Variants in THOC5 observed in about 807,000 individuals in gnomAD.
THOC5 encodes THO complex subunit 5.
In THOC5, 43 loss-of-function variants were observed where a neutral mutation model predicts 92.9. The ratio of observed to expected loss-of-function variants is 0.46; its 90% CI spans 0.36 to 0.60. The LOEUF is 0.60. Ranked by LOEUF, THOC5 falls within the 20% of genes least tolerant of loss-of-function variation. The pLI is 0.00. For synonymous variants in THOC5, 296 were observed against 320.1 expected (o/e 0.92, Z 0.80); for missense variants, 659 against 849.4 (o/e 0.78, Z 2.79).
At chr22:29,528,547 G>A in intron 9 of THOC5, 81 bp from the exon 10 acceptor site, 2 of 1,434,162 alleles carry the variant, frequency 1.4e-6, no homozygotes, top group Non-Finnish European at 2.0e-6. Flanking sequence ...ATGGCATAAA[G>A]GGGCCCTGAC....
chr22:29,529,784 C>T (rs1287346099), intron 8 of THOC5, among the ~76,000 whole-genome samples: 1 of 152,228 alleles, frequency 6.6e-6, no homozygotes, highest in Non-Finnish European at 1.5e-5. Context: ...TTCTCAAACA[C>T]ATGACCTGGA....
intron 19 of THOC5, among the ~76,000 whole-genome samples, chr22:29,510,183 G>C (rs982819184): frequency 6.6e-6 from 1 of 152,034 alleles, no homozygotes; most frequent in African/African-American, 2.4e-5. Flanking sequence ...AGACACTCTT[G>C]AGTACCAAGC....
chr22:29,505,961 G>A lies in THOC5; in HGVS notation c.*2496C>T, dbSNP rs1384816339. Reference sequence around the variant, plus strand: ...TGCAACCTCCGCCTCGGGGATTCAAGCAATTCTCCTGCCTCAGCCTCCCGA... The same window carrying A: ...TGCAACCTCCGCCTCGGGGATTCAAACAATTCTCCTGCCTCAGCCTCCCGA... On this transcript the variant is annotated 3_prime_UTR_variant, in exon 20 of 20. Transcript: ENST00000490103. The A allele has an allele frequency of 1.3e-5, 2 of 151,844 alleles. No homozygotes were observed. The highest frequency in any genetic ancestry group is 2.9e-5 in the Non-Finnish European group (2 of 68,000). The allele number at this position is 151,844 out of a possible 1,614,324, so 9.4% of individuals were successfully genotyped here. A position where few individuals can be genotyped will look rare whatever the true frequency, so the allele number is the denominator to read the frequency against.
intron 2 of THOC5, among the ~76,000 whole-genome samples, chr22:29,546,031 T>C (rs1349754399): frequency 6.6e-6 from 1 of 152,172 alleles, no homozygotes; most frequent in East Asian, 1.9e-4. Context: ...CAGGCGGAGG[T>C]TCCCAAACCT....
At chr22:29,531,602 C>T (rs916725071) in intron 8 of THOC5, 64 of 1,266,774 alleles carry the variant, frequency 5.1e-5, no homozygotes, top group Non-Finnish European at 5.9e-5. Flanking sequence ...GCCAGGCTCA[C>T]GAATGACTCA....
intron 17 of THOC5, 143 bp downstream of exon 17, chr22:29,516,886 T>C: frequency 1.4e-6 from 1 of 729,336 alleles, no homozygotes; most frequent in Non-Finnish European, 2.4e-6. Context: ...GAATGAGTCC[T>C]TGCTGAACAG....
At chr22:29,528,001 C>G (rs1025859985) in intron 11 of THOC5, 77 bp downstream of exon 11, 2 of 1,426,064 alleles carry the variant, frequency 1.4e-6, no homozygotes, top group Non-Finnish European at 2.0e-6. Context: ...GTGTTTGGCT[C>G]CCGGACCCTC....
chr22:29,528,606 G>T, intron 9 of THOC5, 140 bp from the exon 10 acceptor site: 1 of 807,402 alleles, frequency 1.2e-6, no homozygotes, highest in Non-Finnish European at 2.0e-6. Context: ...AAATTAACTT[G>T]CTGCTTCTTA....
chr22:29,511,435 A>G, intron 18 of THOC5, 139 bp from the exon 19 acceptor site: 1 of 859,076 alleles, frequency 1.2e-6, no homozygotes, highest in Non-Finnish European at 1.8e-6. Flanking sequence ...CATCAGATCA[A>G]GCTAGACTGG....
intron 11 of THOC5, among the ~76,000 whole-genome samples, chr22:29,527,300 C>G (rs2063563071): frequency 6.6e-6 from 1 of 152,048 alleles, no homozygotes; most frequent in Admixed American, 6.6e-5. Context: ...ATGCCTGTAG[C>G]CCCCGCTACT....
At chr22:29,537,859 C>A (rs910043665) in intron 6 of THOC5, among the ~76,000 whole-genome samples, 4 of 152,054 alleles carry the variant, frequency 2.6e-5, no homozygotes, top group African/African-American at 4.8e-5. Flanking sequence ...CCATTGCATT[C>A]CAGCCTGGGC....
intron 7 of THOC5, chr22:29,536,349 G>A (rs1601434880): frequency 8.7e-6 from 3 of 343,148 alleles, no homozygotes; most frequent in East Asian, 5.0e-5. Context: ...CATGCAGGGG[G>A]TAAACTAAAT....
At chr22:29,535,518 T>C (rs543275429) in intron 7 of THOC5, 1 of 152,284 alleles carries the variant, frequency 6.6e-6, no homozygotes, top group South Asian at 2.1e-4. Flanking sequence ...CCATACTATA[T>C]GTTCTACAAC....
chr22:29,522,451 C>T (rs2063463048), intron 12 of THOC5, among the ~76,000 whole-genome samples: 1 of 151,964 alleles, frequency 6.6e-6, no homozygotes, highest in Admixed American at 6.6e-5. Context: ...TAGATTGATT[C>T]AATCTATTAG....
chr22:29,526,188 AG>A (rs2063540324), intron 11 of THOC5, among the ~76,000 whole-genome samples: 1 of 152,218 alleles, frequency 6.6e-6, no homozygotes, highest in Admixed American at 6.5e-5. Flanking sequence ...TAACAAAAAA[AG>A]AAAAACAGAA....
At chr22:29,545,007 G>A in intron 2 of THOC5, 2 of 390,220 alleles carry the variant, frequency 5.1e-6, no homozygotes, top group South Asian at 1.9e-5. Flanking sequence ...TTTTCACGCT[G>A]CCAATAAAGA....
chr22:29,533,279 A>G (rs2063691622), intron 7 of THOC5, among the ~76,000 whole-genome samples: 3 of 152,240 alleles, frequency 2.0e-5, no homozygotes, highest in Non-Finnish European at 4.4e-5. Flanking sequence ...GACTTCTGAT[A>G]AAGCCACAGT....
intron 14 of THOC5, among the ~76,000 whole-genome samples, 159 bp downstream of exon 14, chr22:29,519,849 G>C (rs188475606): frequency 6.6e-6 from 1 of 152,048 alleles, no homozygotes; most frequent in African/African-American, 2.4e-5. Flanking sequence ...GGCCAGGCTG[G>C]TCTCAAACTC....
intron 5 of THOC5, among the ~76,000 whole-genome samples, chr22:29,540,092 C>A (rs536491276): frequency 3.2e-4 from 48 of 152,170 alleles, no homozygotes; most frequent in Non-Finnish European, 6.0e-4. Context: ...CCAGCCTGAT[C>A]AACAAGGTGA....
Sources: gnomAD v4.1 joint callset for allele counts (sites outside exome capture counted in the v4.1 genomes callset) on GRCh38, gnomAD v4.1.1 for gene constraint, MANE v1.5 for transcripts, NCBI Gene and HGNC (gene_info 2026-07-23, HGNC 2026-07-21) for gene names.